Variants in BCAS3 observed in about 807,000 individuals in gnomAD.
BCAS3 encodes the protein BCAS4/BCAS3 fusion.
BCAS3 carries 53 observed loss-of-function variants against 116.1 expected under a neutral mutation model. The observed-to-expected ratio is 0.46, with a 90% confidence interval of 0.37 to 0.57. The LOEUF (loss-of-function observed/expected upper bound fraction) is 0.57. BCAS3 is among the 20% of genes least tolerant of loss of function. The probability of loss-of-function intolerance (pLI) is 0.00; values close to 1 mark genes in which losing one functional copy is unlikely to be tolerated. For missense variants in BCAS3, 917 were observed against 1,165.4 expected (o/e 0.79, Z 3.10); for synonymous variants, 391 against 408.2 (o/e 0.96, Z 0.51).
Position 60,995,616 on chromosome 17 carries a change from C to G in BCAS3, c.1486+5381C>G, listed in dbSNP as rs948805266. Among the ~76,000 whole-genome samples the G allele has an allele frequency of 3.3e-5, 5 of 152,044 alleles. No homozygotes were observed. ...CCCGACCAGTTTCTAAGGCTTTAAA[C>G]CAGAGTTTTAAAACATCTTTAGAAG... On this transcript the variant is annotated intron_variant, in intron 15 of 23. Coordinates refer to ENST00000407086, the MANE Select transcript of BCAS3 (RefSeq NM_017679.5). The surrounding 1 kb of genome is among the most constrained non-coding windows in gnomAD (Gnocchi z 4.7).
chr17:60,756,141 GA>G (rs1341048565), intron 6 of BCAS3, among the ~76,000 whole-genome samples: 1 of 152,074 alleles, frequency 6.6e-6, no homozygotes, highest in African/African-American at 2.4e-5. Context: ...ATTTCAGGAT[GA>G]AACTGTTCCA....
At position 61,132,476 on chromosome 17, in the gene BCAS3, C is replaced by T. The variant is rs1037048551; in HGVS notation, c.2425+47912C>T. On this transcript the variant is annotated intron_variant, in intron 22 of 23. Transcript: ENST00000407086. The surrounding 1 kb of genome is among the most constrained non-coding windows in gnomAD (Gnocchi z 5.1). ...AATCTACTGCCCTGGTCAAACTTAA[C>T]CAAAATTCTGTTTTCTTTCAGAAGA... Among the ~76,000 whole-genome samples the T allele has an allele frequency of 6.6e-6, 1 of 152,124 alleles. No individual in the cohort carries two copies. The highest frequency in any genetic ancestry group is 1.5e-5 in the Non-Finnish European group (1 of 68,030).
rs1177103130 is a variant in BCAS3 at position 61,208,605 on chromosome 17, ACT to A, written c.2425+124046_2425+124047del. On this transcript the variant is annotated intron_variant, in intron 22 of 23. Transcript: ENST00000407086. This position sits in a 1 kb window ranked among gnomAD's most constrained non-coding sequence, Gnocchi z 4.5. Reference sequence around the variant, plus strand: ...GTCATCCCAAATGCTAATATCAGAGACTCTCTTTTAAAGCTACTAGGTCCACG... The same window carrying A: ...GTCATCCCAAATGCTAATATCAGAGACTCTTTTAAAGCTACTAGGTCCACG... 6.6e-6 allele frequency among the ~76,000 whole-genome samples: 1 copy of A among 151,978 alleles called. No homozygotes were observed. The highest frequency in any genetic ancestry group is 1.5e-5 in the Non-Finnish European group (1 of 68,004).
intron 13 of BCAS3, among the ~76,000 whole-genome samples, chr17:60,944,900 T>C (rs902820244): frequency 3.9e-5 from 6 of 152,176 alleles, no homozygotes; most frequent in Non-Finnish European, 7.4e-5. Context: ...TACTTAAAGA[T>C]TGAATGCTTT....
At position 61,215,969 on chromosome 17, in the gene BCAS3, A is replaced by G. The variant is rs1448900787; in HGVS notation, c.2425+131405A>G. Among the ~76,000 whole-genome samples the G allele has an allele frequency of 1.3e-5, 2 of 152,192 alleles. No individual in the cohort carries two copies. The highest frequency in any genetic ancestry group is 6.5e-5 in the Admixed American group (1 of 15,280). On this transcript the variant is annotated intron_variant, in intron 22 of 23. Transcript: ENST00000407086. The surrounding 1 kb of genome is among the most constrained non-coding windows in gnomAD (Gnocchi z 4.8). ...ATCCACTTCTCTAGTATATTCAAAT[A>G]TATATTTTGGTTGGTTCTCCCAGTA...
At chr17:60,710,074 C>G (rs752734580) in intron 5 of BCAS3, among the ~76,000 whole-genome samples, 8 of 152,234 alleles carry the variant, frequency 5.3e-5, no homozygotes, top group Non-Finnish European at 8.8e-5. Flanking sequence ...ACCTTGGCCT[C>G]CCAAAATGCT....
At chr17:61,245,786 T>C (rs1188590848) in intron 22 of BCAS3, among the ~76,000 whole-genome samples, 1 of 151,900 alleles carries the variant, frequency 6.6e-6, no homozygotes, top group Non-Finnish European at 1.5e-5. Flanking sequence ...TTTTTCATGT[T>C]AATGAAGTTC....
intron 22 of BCAS3, among the ~76,000 whole-genome samples, chr17:61,338,234 G>T (rs1000733866): frequency 3.3e-5 from 5 of 152,236 alleles, no homozygotes; most frequent in Non-Finnish European, 7.3e-5. Context: ...AGTTGAAGAA[G>T]TTAATTCACT....
intron 22 of BCAS3, among the ~76,000 whole-genome samples, chr17:61,290,353 A>G (rs1232770065): frequency 6.6e-6 from 1 of 152,210 alleles, no homozygotes; most frequent in African/African-American, 2.4e-5. Flanking sequence ...GTTAAAAATT[A>G]TATAGATGAA....
chr17:61,094,844 T>TA lies in BCAS3; in HGVS notation c.2425+10290dup, dbSNP rs201535415. On this transcript the variant is annotated intron_variant, in intron 22 of 23. Coordinates refer to ENST00000407086, the MANE Select transcript of BCAS3 (RefSeq NM_017679.5). ...GGGCAACAAGAGTGAAACTCTGTCT[T>TA]AAAAAAAAAATTTCTCATTAAATAA... Among the ~76,000 whole-genome samples, 17 of 150,742 alleles carry TA rather than the reference T, an allele frequency of 1.1e-4. No homozygotes were observed. In the East Asian group the frequency reaches 2.1e-3, roughly 19 times the overall value.
chr17:60,792,896 A>G (rs957067861), intron 6 of BCAS3, among the ~76,000 whole-genome samples: 16 of 152,124 alleles, frequency 1.1e-4, no homozygotes, highest in Non-Finnish European at 1.9e-4. Flanking sequence ...GACTAAAACA[A>G]TGAGTGTGAC....
At chr17:61,112,679 G>A (rs1215365717) in intron 22 of BCAS3, among the ~76,000 whole-genome samples, 48 of 143,262 alleles carry the variant, frequency 3.4e-4, no homozygotes, top group Non-Finnish European at 6.3e-4. Context: ...ACAGATCAAC[G>A]AGACAGAAAG....
chr17:60,892,110 A>C (rs78961398), intron 10 of BCAS3, among the ~76,000 whole-genome samples: 4,684 of 152,242 alleles, frequency 0.031, 182 homozygotes, highest in East Asian at 0.091. Flanking sequence ...CTGCGATGAA[A>C]ATACAAGTGC....
Position 61,041,053 on chromosome 17 carries a change from G to A in BCAS3, c.2029+161G>A, listed in dbSNP as rs1188172926. 6.6e-6 allele frequency among the ~76,000 whole-genome samples: 1 copy of A among 152,076 alleles called. No homozygotes were observed. Among genetic ancestry groups the A allele is most frequent in the Non-Finnish European group, 1.5e-5 (1 of 68,004 alleles). On this transcript the variant is annotated intron_variant, in intron 19 of 23. Coordinates refer to ENST00000407086, the MANE Select transcript of BCAS3 (RefSeq NM_017679.5). The surrounding 1 kb of genome is among the most constrained non-coding windows in gnomAD (Gnocchi z 4.7). ...TATTTAATATGAATATAAACTGTAA[G>A]CCTTAGTATACATTATGTCTCTGAC... is the stretch of plus-strand genomic sequence containing the variant.
chr17:61,322,164 C>T (rs562735145), intron 22 of BCAS3, among the ~76,000 whole-genome samples: 1 of 152,118 alleles, frequency 6.6e-6, no homozygotes, highest in Non-Finnish European at 1.5e-5. Flanking sequence ...GAACTCCCAA[C>T]CTCAGGTGAT....
intron 14 of BCAS3, chr17:60,980,490 C>G (rs1487746326): frequency 1.3e-5 from 2 of 151,290 alleles, no homozygotes; most frequent in Admixed American, 1.3e-4. Flanking sequence ...AAATACTTTC[C>G]CTCATTCATT....
Position 61,282,784 on chromosome 17 carries a change from TTATC to T in BCAS3, c.2426-85540_2426-85537del, listed in dbSNP as rs1433434470. Among the ~76,000 whole-genome samples, 1 of 152,188 alleles carries T rather than the reference TTATC, an allele frequency of 6.6e-6. No individual in the cohort carries two copies. Among genetic ancestry groups the T allele is most frequent in the Non-Finnish European group, 1.5e-5 (1 of 68,032 alleles). On this transcript the variant is annotated intron_variant, in intron 22 of 23. Coordinates refer to ENST00000407086, the MANE Select transcript of BCAS3 (RefSeq NM_017679.5). The surrounding 1 kb of genome is among the most constrained non-coding windows in gnomAD (Gnocchi z 5.9). The stretch of plus-strand genomic sequence containing the variant: ...GAGTTGGTCACATTGCATCATCCCT[TTATC>T]TACCCAAAATGTGAATTTTAAACAT...
At chr17:60,901,238 G>GTGT (rs909570947) in intron 10 of BCAS3, among the ~76,000 whole-genome samples, 55 of 151,590 alleles carry the variant, frequency 3.6e-4, no homozygotes, top group Non-Finnish European at 5.3e-4. Context: ...AAAGGTAAGA[G>GTGT]TGTTGTTGTT....
chr17:60,901,959 G>A (rs1284217025), intron 10 of BCAS3, among the ~76,000 whole-genome samples: 1 of 152,206 alleles, frequency 6.6e-6, no homozygotes, highest in Non-Finnish European at 1.5e-5. Flanking sequence ...TTATTGCGTA[G>A]CATGTGAAAT....
Sources: gnomAD v4.1 joint callset for allele counts (sites outside exome capture counted in the v4.1 genomes callset) on GRCh38, gnomAD v4.1.1 for gene constraint, Gnocchi (gnomAD v3.1) non-coding constraint, MANE v1.5 for transcripts, NCBI Gene and HGNC (gene_info 2026-07-23, HGNC 2026-07-21) for gene names.